PPARGC1A: variants seen among roughly 807,000 people sequenced by gnomAD.
PPARGC1A encodes the protein peroxisome proliferator-activated receptor gamma coactivator 1-alpha.
Under a neutral mutation model 88.7 loss-of-function variants are expected in PPARGC1A, and 25 were observed. The observed-to-expected ratio is 0.28, with a 90% CI of 0.21 to 0.39. The LOEUF (loss-of-function observed/expected upper bound fraction) is 0.39, where lower values mean the gene tolerates loss of function less well. Among genes scored for constraint, PPARGC1A ranks in the 10% least tolerant of loss-of-function variants. The pLI is 1.00. For synonymous variants in PPARGC1A, 363 were observed against 355.6 expected (o/e 1.02, Z -0.24); for missense variants, 880 against 968.7 (o/e 0.91, Z 1.22).
the PPARGC1A span, among the ~76,000 whole-genome samples, chr4:23,986,960 G>A: frequency 4.7e-3 from 711 of 152,042 alleles, 7 homozygotes; most frequent in African/African-American, 0.016. Flanking sequence ...ATTACACTTC[G>A]TTTATTTCAT....
the PPARGC1A span, among the ~76,000 whole-genome samples, chr4:24,420,941 T>A: frequency 3.9e-5 from 6 of 152,202 alleles, no homozygotes; most frequent in African/African-American, 7.2e-5. Context: ...GCCTTCTACA[T>A]GTCCTCATAT....
intron 2 of PPARGC1A, among the ~76,000 whole-genome samples, chr4:23,869,798 A>C (rs886760430): frequency 6.6e-6 from 1 of 152,176 alleles, no homozygotes; most frequent in Non-Finnish European, 1.5e-5. Context: ...TAGGATAAAT[A>C]CGGAAAGCCA....
the PPARGC1A span, among the ~76,000 whole-genome samples, chr4:24,262,689 TTA>T: frequency 6.6e-6 from 1 of 152,100 alleles, no homozygotes; most frequent in Non-Finnish European, 1.5e-5. Context: ...AGGAGATTAA[TTA>T]TATTGAAATG....
At chr4:24,408,003 T>C in the PPARGC1A span, among the ~76,000 whole-genome samples, 1 of 152,180 alleles carries the variant, frequency 6.6e-6, no homozygotes, top group African/African-American at 2.4e-5. Flanking sequence ...TAAAAATCAA[T>C]TTTAATATCA....
At chr4:23,913,261 T>TAG in the PPARGC1A span, among the ~76,000 whole-genome samples, 58 of 54,576 alleles carry the variant, frequency 1.1e-3, no homozygotes, top group Non-Finnish European at 1.3e-3. Context: ...TATATATATA[T>TAG]ATATATAGAG....
At chr4:24,436,484 A>C in the PPARGC1A span, among the ~76,000 whole-genome samples, 2 of 150,780 alleles carry the variant, frequency 1.3e-5, no homozygotes, top group Non-Finnish European at 2.9e-5. Flanking sequence ...CACAGCTGAC[A>C]TCAATTGGCC....
chr4:23,903,829 C>A (rs1367037946), upstream of PPARGC1A, among the ~76,000 whole-genome samples: 1 of 151,562 alleles, frequency 6.6e-6, no homozygotes, highest in African/African-American at 2.4e-5. Context: ...AAGTATACTA[C>A]ACACTTCTCT....
the PPARGC1A span, among the ~76,000 whole-genome samples, chr4:24,252,992 CGAT>C: frequency 6.6e-6 from 1 of 152,048 alleles, no homozygotes; most frequent in Non-Finnish European, 1.5e-5. Context: ...ACTTGGAAAA[CGAT>C]GATCTCATTG....
the PPARGC1A span, among the ~76,000 whole-genome samples, chr4:24,092,991 A>G: frequency 1.6e-4 from 25 of 152,368 alleles, no homozygotes; most frequent in Middle Eastern, 0.017. Context: ...TTGCCACAAT[A>G]TCAACCATAA....
At chr4:24,163,613 C>T in the PPARGC1A span, among the ~76,000 whole-genome samples, 2 of 152,086 alleles carry the variant, frequency 1.3e-5, no homozygotes, top group East Asian at 1.9e-4. Context: ...TGACTAATAG[C>T]GATATTTTTT....
At chr4:23,966,214 A>T in the PPARGC1A span, among the ~76,000 whole-genome samples, 3 of 152,160 alleles carry the variant, frequency 2.0e-5, no homozygotes, top group Non-Finnish European at 2.9e-5. Flanking sequence ...ACTTTGCATG[A>T]TATCTCCCCT....
the PPARGC1A span, among the ~76,000 whole-genome samples, chr4:24,344,103 TTA>T: frequency 0.079 from 11,953 of 150,796 alleles, 1,466 homozygotes; most frequent in African/African-American, 0.26. Context: ...TAGTATTCCA[TTA>T]TATATATATA....
At chr4:23,861,300 A>T (rs967559302) in intron 2 of PPARGC1A, among the ~76,000 whole-genome samples, 8 of 152,254 alleles carry the variant, frequency 5.3e-5, no homozygotes, top group Non-Finnish European at 1.2e-4. Flanking sequence ...GTATCTGAAG[A>T]TTTTGATACA....
chr4:23,870,658 G>A lies in PPARGC1A; in HGVS notation c.234+14094C>T, dbSNP rs572317286. Among the ~76,000 whole-genome samples, 27 of 152,266 alleles carry A rather than the reference G, an allele frequency of 1.8e-4. No homozygotes were observed. In the South Asian group the frequency reaches 5.2e-3, roughly 29 times the overall value. The stretch of plus-strand genomic sequence containing the variant: ...AGCGTTAAGTGAGGGGTGAAGAAGT[G>A]TATCTGGGAATAAAATGTGCTCCAT... On this transcript the variant is annotated intron_variant, in intron 2 of 12. Transcript: ENST00000264867.
chr4:23,912,210 T>TA, the PPARGC1A span, among the ~76,000 whole-genome samples: 1 of 152,116 alleles, frequency 6.6e-6, no homozygotes, highest in Non-Finnish European at 1.5e-5. Context: ...AGATTGGGCT[T>TA]TCTAGGTCAG....
chr4:24,256,972 A>T, the PPARGC1A span, among the ~76,000 whole-genome samples: 3 of 152,164 alleles, frequency 2.0e-5, 1 homozygote, highest in African/African-American at 7.2e-5. Context: ...TTGTTGAAAG[A>T]ACTGAAGGTG....
intron 2 of PPARGC1A, among the ~76,000 whole-genome samples, chr4:23,873,229 A>AAAATT (rs1713952487): frequency 6.7e-6 from 1 of 150,236 alleles, no homozygotes; most frequent in Non-Finnish European, 1.5e-5. Flanking sequence ...AAAAATAAAG[A>AAAATT]AAAAAATGTG....
At chr4:24,077,271 T>C in the PPARGC1A span, among the ~76,000 whole-genome samples, 11 of 152,256 alleles carry the variant, frequency 7.2e-5, no homozygotes, top group South Asian at 2.3e-3. Context: ...TCTTTCGTTT[T>C]CAAGGCACAT....
the PPARGC1A span, among the ~76,000 whole-genome samples, chr4:24,123,925 A>AC: frequency 6.8e-6 from 1 of 146,324 alleles, no homozygotes; most frequent in Non-Finnish European, 1.5e-5. Context: ...AAAAAAAAAA[A>AC]CAAAAAAAAC....
Sources: gnomAD v4.1 joint callset for allele counts (sites outside exome capture counted in the v4.1 genomes callset) on GRCh38, gnomAD v4.1.1 for gene constraint, MANE v1.5 for transcripts, NCBI Gene and HGNC (gene_info 2026-07-23, HGNC 2026-07-21) for gene names.